The following CDC40 variants were observed in gnomAD, a reference collection of about 807,000 sequenced individuals.
CDC40 encodes pre-mRNA-processing factor 17.
A neutral mutation model predicts 80.6 loss-of-function variants in CDC40; 27 were observed. That is an observed-to-expected ratio of 0.33 (90% confidence interval 0.25 to 0.46). The LOEUF (loss-of-function observed/expected upper bound fraction) is 0.46. Ranked by LOEUF, CDC40 falls within the 20% of genes least tolerant of loss-of-function variation. The pLI is 1.00. For synonymous variants in CDC40, 221 were observed against 232.6 expected, an observed-to-expected ratio of 0.95 and a Z score of 0.45; for missense variants, 486 against 694.1, an observed-to-expected ratio of 0.70 and a Z score of 3.37.
Position 110,231,517 on chromosome 6 carries a change from T to C in CDC40, c.*1386T>C, listed in dbSNP as rs1777938243. On this transcript the variant is annotated 3_prime_UTR_variant, in exon 15 of 15. Coordinates refer to ENST00000307731, the MANE Select transcript of CDC40 (RefSeq NM_015891.3). ...TCCACCTCAAAAAATAAAATCAAGA[T>C]AACCTCTTGAATGTAATAGCTCATA... The C allele has an allele frequency of 6.6e-6, 1 of 152,288 alleles. No homozygotes were observed. Among genetic ancestry groups the C allele is most frequent in the Non-Finnish European group, 1.5e-5 (1 of 68,104 alleles). 9.4% of individuals were successfully genotyped at this position (152,288 alleles called of 1,614,324 possible).
Position 110,232,022 on chromosome 6 carries a change from A to C in CDC40, c.*1891A>C, listed in dbSNP as rs1777945005. 1 of 146,560 alleles carries C rather than the reference A, an allele frequency of 6.8e-6. No homozygotes were observed. The highest frequency in any genetic ancestry group is 1.5e-5 in the Non-Finnish European group (1 of 66,912). 9.1% of individuals were successfully genotyped at this position (146,560 alleles called of 1,614,324 possible). A position where few individuals can be genotyped will look rare whatever the true frequency, so the allele number is the denominator to read the frequency against. On this transcript the variant is annotated 3_prime_UTR_variant, in exon 15 of 15. Coordinates refer to ENST00000307731, the MANE Select transcript of CDC40 (RefSeq NM_015891.3). Reference sequence around the variant, plus strand: ...CCAACCACTAGTTTTAACAAATGTGAATTATTGAAATGTGAAGGGACAAAA... The same window carrying C: ...CCAACCACTAGTTTTAACAAATGTGCATTATTGAAATGTGAAGGGACAAAA...
chr6:110,214,635 G>A (rs896699372), intron 8 of CDC40, among the ~76,000 whole-genome samples: 15 of 152,320 alleles, frequency 9.8e-5, no homozygotes, highest in African/African-American at 3.4e-4. Flanking sequence ...CTGAGACTGT[G>A]TCCTATTGGC....
intron 6 of CDC40, 45 bp from the exon 7 acceptor site, chr6:110,212,088 A>G (rs375016188): frequency 8.8e-5 from 134 of 1,524,602 alleles, no homozygotes; most frequent in East Asian, 2.9e-4. Flanking sequence ...TTTCATGACT[A>G]TGGGTTGTAT....
rs930343502 is a variant in CDC40, at chr6:110,206,711, T to C, written c.407-795T>C. ...ACTGCAAATGGTATTTTCAAAATAA[T>C]AGCTAGATTTTATGTAATCTTCTTA... On this transcript the variant is annotated intron_variant, in intron 3 of 14. Coordinates refer to ENST00000307731, the MANE Select transcript of CDC40 (RefSeq NM_015891.3). Among the ~76,000 whole-genome samples, 5 of 152,220 alleles carry C rather than the reference T, an allele frequency of 3.3e-5. No individual in the cohort carries two copies. In the East Asian group the frequency reaches 9.6e-4, roughly 29 times the overall value.
chr6:110,205,764 G>A lies in CDC40; in HGVS notation c.407-1742G>A, dbSNP rs550788058. The stretch of plus-strand genomic sequence containing the variant: ...AGAAATTTACATTCTAGCTAGATAC[G>A]TTTTTTATTATTGAAATGGAAACTT... On this transcript the variant is annotated intron_variant, in intron 3 of 14. Coordinates refer to ENST00000307731, the MANE Select transcript of CDC40 (RefSeq NM_015891.3). Among the ~76,000 whole-genome samples the A allele has an allele frequency of 4.1e-4, 63 of 152,162 alleles. 2 individuals are homozygous for A. The highest frequency in any genetic ancestry group is 2.5e-3 in the Admixed American group (38 of 15,300).
At chr6:110,196,268 C>G (rs1191632936) in intron 2 of CDC40, among the ~76,000 whole-genome samples, 1 of 152,164 alleles carries the variant, frequency 6.6e-6, no homozygotes, top group East Asian at 1.9e-4. Context: ...ACCCCTATGC[C>G]TTTGACTTTG....
intron 5 of CDC40, among the ~76,000 whole-genome samples, chr6:110,209,536 A>G (rs1466279195): frequency 1.3e-5 from 2 of 152,186 alleles, no homozygotes; most frequent in African/African-American, 4.8e-5. Context: ...AGACATTCAG[A>G]TAGTAACTAC....
At chr6:110,229,045 A>G in intron 14 of CDC40, 69 bp downstream of exon 14, 2 of 1,155,486 alleles carry the variant, frequency 1.7e-6, no homozygotes, top group Middle Eastern at 2.2e-4. Context: ...TGTACAAATA[A>G]CACTTGACAC....
At position 110,180,637 on chromosome 6, in the gene CDC40, A is replaced by G; in HGVS notation, c.189+4A>G. The G allele has an allele frequency of 1.2e-6, 2 of 1,608,922 alleles. No homozygotes were observed. The highest frequency in any genetic ancestry group is 1.7e-6 in the Non-Finnish European group (2 of 1,175,610). ...GGCTCCGGAGGTGGCAGTTAAGGTAAGCACTTTTGCTACTAATGCAGTGTG... is the reference window on the plus strand; with the variant it reads ...GGCTCCGGAGGTGGCAGTTAAGGTAGGCACTTTTGCTACTAATGCAGTGTG... On this transcript the variant is annotated splice_donor_region_variant and intron_variant, in intron 1 of 14. Coordinates refer to ENST00000307731, the MANE Select transcript of CDC40 (RefSeq NM_015891.3).
intron 9 of CDC40, among the ~76,000 whole-genome samples, chr6:110,216,522 A>G (rs2114667453): frequency 6.6e-6 from 1 of 152,254 alleles, no homozygotes; most frequent in South Asian, 2.1e-4. Flanking sequence ...TCTCCCCTCT[A>G]CTGGCAGACC....
Position 110,193,119 on chromosome 6 carries a change from G to C in CDC40, c.190-63G>C, listed in dbSNP as rs1389858500. On this transcript the variant is annotated intron_variant, in intron 1 of 14. Coordinates refer to ENST00000307731, the MANE Select transcript of CDC40 (RefSeq NM_015891.3). ...TAAAGATGGCTAGTGTGACTTTAAT[G>C]TGGCTTCTAAAATAAAATAGTCATT... 3.1e-6 allele frequency: 3 copies of C among 971,636 alleles called. No homozygotes were observed. In the African/African-American group the frequency reaches 4.9e-5, roughly 16 times the overall value. The allele number at this position is 971,636 out of a possible 1,614,324, so 60.2% of individuals were successfully genotyped here.
intron 12 of CDC40, among the ~76,000 whole-genome samples, chr6:110,220,737 A>G (rs61116987): frequency 0.076 from 11,614 of 152,104 alleles, 619 homozygotes; most frequent in East Asian, 0.15. Context: ...GAGCCACTGC[A>G]CCCAGCCAGA....
At chr6:110,212,358 GTATT>G in intron 7 of CDC40, 86 bp downstream of exon 7, 1 of 1,347,190 alleles carries the variant, frequency 7.4e-7, no homozygotes, top group Non-Finnish European at 1.0e-6. Flanking sequence ...GGAACATTTA[GTATT>G]TCTGGTAAAG....
intron 6 of CDC40, chr6:110,211,901 T>C (rs995115257): frequency 1.8e-5 from 8 of 453,228 alleles, no homozygotes; most frequent in Non-Finnish European, 3.2e-5. Context: ...TAAAGGTCTA[T>C]AATCTCTGGA....
chr6:110,197,634 C>G (rs1456235982), intron 2 of CDC40, among the ~76,000 whole-genome samples: 1 of 136,926 alleles, frequency 7.3e-6, no homozygotes, highest in Non-Finnish European at 1.6e-5. Flanking sequence ...CATTCACTCT[C>G]TGCTTCTATG....
At chr6:110,217,906 TG>T in intron 10 of CDC40, 103 bp downstream of exon 10, 1 of 612,530 alleles carries the variant, frequency 1.6e-6, no homozygotes, top group South Asian at 1.8e-5. Context: ...CTCTAACTGC[TG>T]ATTCTCATAC....
At chr6:110,220,737 A>ACG (rs1562207152) in intron 12 of CDC40, among the ~76,000 whole-genome samples, 47 of 152,136 alleles carry the variant, frequency 3.1e-4, no homozygotes, top group East Asian at 2.1e-3. Context: ...GAGCCACTGC[A>ACG]CCCAGCCAGA....
At chr6:110,223,366 G>A (rs1584083748) in intron 12 of CDC40, among the ~76,000 whole-genome samples, 1 of 152,180 alleles carries the variant, frequency 6.6e-6, no homozygotes, top group Admixed American at 6.5e-5. Context: ...AGATGAATGA[G>A]GGGACTGGTA....
intron 2 of CDC40, among the ~76,000 whole-genome samples, chr6:110,198,789 T>C (rs1777452741): frequency 6.6e-6 from 1 of 152,238 alleles, no homozygotes; most frequent in Non-Finnish European, 1.5e-5. Context: ...TATCTTGTTA[T>C]AAATCACGTG....
Sources: allele counts gnomAD v4.1 joint callset (sites outside exome capture counted in the v4.1 genomes callset), GRCh38; gene constraint gnomAD v4.1.1; transcripts MANE v1.5; gene names NCBI Gene and HGNC (gene_info 2026-07-23, HGNC 2026-07-21).